The following RHBDD1 variants were observed in gnomAD, a reference collection of about 807,000 sequenced individuals.
RHBDD1 encodes the protein rhomboid-related protein 4.
RHBDD1 carries 38 observed loss-of-function variants against 36.3 expected under a neutral mutation model. The observed-to-expected ratio is 1.05, with a 90% CI of 0.81 to 1.37. The LOEUF (loss-of-function observed/expected upper bound fraction) is 1.37, where lower values mean the gene tolerates loss of function less well. Ranked by LOEUF, RHBDD1 falls within the 40% of genes most tolerant of loss-of-function variation. The pLI, the probability that RHBDD1 is intolerant of heterozygous loss-of-function variation, is 0.00. For missense variants in RHBDD1, 393 were observed against 377.6 expected (o/e 1.04, Z -0.34); for synonymous variants, 151 against 136.5 (o/e 1.11, Z -0.74).
At chr2:226,988,714 A>G (rs1248636069) in intron 8 of RHBDD1, 1 of 943,420 alleles carries the variant, frequency 1.1e-6, no homozygotes, top group African/African-American at 1.8e-5. Flanking sequence ...GACCTCATAT[A>G]CATAGATATA....
chr2:226,905,966 G>A (rs897953243), intron 5 of RHBDD1, among the ~76,000 whole-genome samples: 2 of 151,826 alleles, frequency 1.3e-5, no homozygotes, highest in Non-Finnish European at 2.9e-5. Flanking sequence ...AACTCGTTGT[G>A]TAGGACCCCC....
At chr2:226,875,430 A>G (rs964144706) in intron 5 of RHBDD1, among the ~76,000 whole-genome samples, 1 of 152,192 alleles carries the variant, frequency 6.6e-6, no homozygotes, top group Non-Finnish European at 1.5e-5. Flanking sequence ...TTATTCCCTC[A>G]TGTGCCTGTG....
At chr2:226,835,076 T>A (rs1306417843), upstream of RHBDD1, among the ~76,000 whole-genome samples, 7 of 151,786 alleles carry the variant, frequency 4.6e-5, no homozygotes, top group Non-Finnish European at 1.0e-4. Context: ...GCGCCAGGCC[T>A]GTTGTTGTTT....
the RHBDD1 span, among the ~76,000 whole-genome samples, chr2:226,827,635 A>C: frequency 1.4e-4 from 22 of 152,318 alleles, no homozygotes; most frequent in East Asian, 3.5e-3. Flanking sequence ...TCTACAAAGT[A>C]TTCTCCCATC....
chr2:226,867,428 TTATC>T lies in RHBDD1; in HGVS notation c.566+114_566+117del, dbSNP rs149524077. On this transcript the variant is annotated intron_variant, in intron 5 of 8. Transcript: ENST00000392062. ...TGTTTTTCACAGTGAGGTTTATTCT[TTATC>T]TATTAGGACAGAATCAAGCTTAATA... 2.6e-3 allele frequency: 3,339 copies of T among 1,287,820 alleles called. 32 individuals carry two copies. Among genetic ancestry groups the T allele is most frequent in the African/African-American group, 0.023 (1,497 of 66,436 alleles). 79.8% of individuals were successfully genotyped at this position (1,287,820 alleles called of 1,614,324 possible).
the RHBDD1 span, among the ~76,000 whole-genome samples, chr2:226,806,901 C>A: frequency 6.6e-6 from 1 of 152,226 alleles, no homozygotes; most frequent in Non-Finnish European, 1.5e-5. Flanking sequence ...TCCTTGGATG[C>A]ACCACCAATT....
At chr2:226,976,761 G>T (rs1954660822) in intron 8 of RHBDD1, among the ~76,000 whole-genome samples, 1 of 152,182 alleles carries the variant, frequency 6.6e-6, no homozygotes, top group South Asian at 2.1e-4. Flanking sequence ...CTATGACTTG[G>T]GCCTATCGGG....
intron 5 of RHBDD1, among the ~76,000 whole-genome samples, chr2:226,891,677 A>G (rs761433039): frequency 6.6e-6 from 1 of 152,190 alleles, no homozygotes; most frequent in Non-Finnish European, 1.5e-5. Flanking sequence ...TCTCCCTGGC[A>G]TTTGTATAAG....
chr2:226,908,621 ATT>A, intron 6 of RHBDD1, 199 bp from the exon 7 acceptor site: 1 of 554,472 alleles, frequency 1.8e-6, no homozygotes, highest in Non-Finnish European at 3.2e-6. Context: ...ACACACACAC[ATT>A]CTTTTCCCTG....
the RHBDD1 span, among the ~76,000 whole-genome samples, chr2:226,806,820 C>T: frequency 2.0e-5 from 3 of 152,306 alleles, no homozygotes; most frequent in South Asian, 4.1e-4. Flanking sequence ...GACCTACAGT[C>T]TGAAAACACC....
chr2:226,906,657 G>T, intron 5 of RHBDD1, 136 bp from the exon 6 acceptor site: 1 of 1,529,404 alleles, frequency 6.5e-7, no homozygotes, highest in Non-Finnish European at 8.8e-7. Context: ...GTTAAATGCT[G>T]CTTAGCATAA....
At chr2:226,884,059 A>T (rs1946010410) in intron 5 of RHBDD1, among the ~76,000 whole-genome samples, 1 of 152,184 alleles carries the variant, frequency 6.6e-6, no homozygotes, top group African/African-American at 2.4e-5. Context: ...AACATTATAC[A>T]ATTAAATATT....
intron 7 of RHBDD1, among the ~76,000 whole-genome samples, chr2:226,910,187 A>G (rs1015897927): frequency 2.0e-5 from 3 of 152,126 alleles, no homozygotes; most frequent in African/African-American, 4.8e-5. Context: ...TTTATTTTCT[A>G]TTTTTTAAAA....
At chr2:226,984,417 C>T (rs999177806) in intron 8 of RHBDD1, among the ~76,000 whole-genome samples, 3 of 152,204 alleles carry the variant, frequency 2.0e-5, no homozygotes, top group Admixed American at 1.3e-4. Context: ...AGTGCAAGCT[C>T]TGGCCTCTTC....
At chr2:226,980,449 T>C (rs959864259) in intron 8 of RHBDD1, among the ~76,000 whole-genome samples, 1 of 152,170 alleles carries the variant, frequency 6.6e-6, no homozygotes, top group African/African-American at 2.4e-5. Flanking sequence ...TCTGTGCCTC[T>C]TAGCTCTTAG....
chr2:226,806,211 T>C, the RHBDD1 span, among the ~76,000 whole-genome samples: 4 of 152,174 alleles, frequency 2.6e-5, no homozygotes, highest in African/African-American at 9.7e-5. Context: ...ACAAGTTAAT[T>C]TGAACTTAAG....
chr2:226,964,521 CTTCTT>C (rs1275661829), intron 8 of RHBDD1, among the ~76,000 whole-genome samples: 1 of 152,198 alleles, frequency 6.6e-6, no homozygotes, highest in Non-Finnish European at 1.5e-5. Flanking sequence ...AATTGTAGCT[CTTCTT>C]TTCTTCTCCC....
intron 5 of RHBDD1, among the ~76,000 whole-genome samples, chr2:226,901,667 T>C (rs1947607785): frequency 6.6e-6 from 1 of 152,128 alleles, no homozygotes; most frequent in Non-Finnish European, 1.5e-5. Flanking sequence ...CTGTTGCCCA[T>C]TCATATCAAA....
chr2:226,954,350 A>G (rs1951645286), intron 8 of RHBDD1, among the ~76,000 whole-genome samples: 1 of 152,208 alleles, frequency 6.6e-6, no homozygotes, highest in African/African-American at 2.4e-5. Context: ...TTTGTGGAGT[A>G]CCTACTATGA....
Sources: gnomAD v4.1 joint callset for allele counts (sites outside exome capture counted in the v4.1 genomes callset) on GRCh38, gnomAD v4.1.1 for gene constraint, MANE v1.5 for transcripts, NCBI Gene and HGNC (gene_info 2026-07-23, HGNC 2026-07-21) for gene names.